Variants in APCDD1L observed in about 807,000 individuals in gnomAD.
APCDD1L encodes the protein protein APCDD1-like.
Under a neutral mutation model 24.2 loss-of-function variants are expected in APCDD1L, and 21 were observed. That is an observed-to-expected ratio of 0.87 (90% CI 0.61 to 1.25). APCDD1L has a LOEUF of 1.25. APCDD1L is among the 50% of genes most tolerant of loss of function. The pLI is 0.00. For synonymous variants in APCDD1L, 321 were observed against 323.6 expected (o/e 0.99, Z 0.09); for missense variants, 704 against 711.7 (o/e 0.99, Z 0.12).
intron 1 of APCDD1L, among the ~76,000 whole-genome samples, chr20:58,514,351 G>T (rs933038453): frequency 1.3e-5 from 2 of 152,188 alleles, no homozygotes; most frequent in South Asian, 4.1e-4. Context: ...TGGAGGCCCC[G>T]GTCCCACTGG....
chr20:58,502,056 C>G (rs1990446147), intron 1 of APCDD1L, among the ~76,000 whole-genome samples: 1 of 152,176 alleles, frequency 6.6e-6, no homozygotes, highest in South Asian at 2.1e-4. Flanking sequence ...TCCCTTTCTC[C>G]TCTCCTCTCA....
intron 1 of APCDD1L, among the ~76,000 whole-genome samples, chr20:58,507,756 C>T (rs1990549122): frequency 6.6e-6 from 1 of 152,154 alleles, no homozygotes; most frequent in Non-Finnish European, 1.5e-5. Flanking sequence ...ATACAAGAGA[C>T]AGCTAGTTTT....
At chr20:58,472,529 G>T (rs1989831123) in intron 1 of APCDD1L, among the ~76,000 whole-genome samples, 1 of 152,228 alleles carries the variant, frequency 6.6e-6, no homozygotes, top group Non-Finnish European at 1.5e-5. Context: ...GGGGTAAAAC[G>T]CAGGGCAGTC....
chr20:58,484,004 G>A (rs1990073711), intron 1 of APCDD1L, among the ~76,000 whole-genome samples: 1 of 152,144 alleles, frequency 6.6e-6, no homozygotes, highest in Non-Finnish European at 1.5e-5. Flanking sequence ...TGATAAGTAG[G>A]GTTGCAGATA....
chr20:58,511,780 G>C (rs1314668416), intron 1 of APCDD1L, among the ~76,000 whole-genome samples: 2 of 152,154 alleles, frequency 1.3e-5, no homozygotes, highest in African/African-American at 4.8e-5. Flanking sequence ...TCAAGGCAGA[G>C]CTCCACATCA....
At chr20:58,482,912 G>C (rs1461317355) in intron 1 of APCDD1L, among the ~76,000 whole-genome samples, 1 of 152,170 alleles carries the variant, frequency 6.6e-6, no homozygotes, top group Non-Finnish European at 1.5e-5. Flanking sequence ...CATTTATTGA[G>C]CACCTACTGT....
chr20:58,470,790 G>T (rs745841758), intron 1 of APCDD1L, 43 bp from the exon 2 acceptor site: 2 of 1,499,000 alleles, frequency 1.3e-6, no homozygotes, highest in South Asian at 2.6e-5. Context: ...GCATGCCCCG[G>T]GAACACCCAC....
chr20:58,502,496 G>T (rs567554806), intron 1 of APCDD1L, among the ~76,000 whole-genome samples: 39 of 152,320 alleles, frequency 2.6e-4, no homozygotes, highest in African/African-American at 9.1e-4. Flanking sequence ...GGCTCATTTT[G>T]TTCCCTGTTA....
chr20:58,469,905 C>T (rs936483071), intron 2 of APCDD1L, among the ~76,000 whole-genome samples: 8 of 152,338 alleles, frequency 5.3e-5, no homozygotes, highest in East Asian at 1.9e-4. Context: ...CCCTTTTCCC[C>T]GATCCCTGCC....
Position 58,474,469 on chromosome 20 carries a change from C to T in APCDD1L, c.50-3722G>A, listed in dbSNP as rs558520215. ...CTGTAATCCCAGCACTTTGGGAGGC[C>T]GAGGTGGGCGGATCACCTGAGGTCA... On this transcript the variant is annotated intron_variant, in intron 1 of 3. Transcript: ENST00000371149. Among the ~76,000 whole-genome samples, 720 of 152,218 alleles carry T rather than the reference C, an allele frequency of 4.7e-3. 7 individuals are homozygous for T. The highest frequency in any genetic ancestry group is 0.016 in the African/African-American group (670 of 41,544).
At chr20:58,493,948 C>G (rs1174619223) in intron 1 of APCDD1L, among the ~76,000 whole-genome samples, 1 of 152,206 alleles carries the variant, frequency 6.6e-6, no homozygotes. Context: ...AGAAGCCTAA[C>G]TGATAACATA....
At chr20:58,469,969 G>A (rs892535361) in intron 2 of APCDD1L, among the ~76,000 whole-genome samples, 1 of 152,236 alleles carries the variant, frequency 6.6e-6, no homozygotes, top group Non-Finnish European at 1.5e-5. Flanking sequence ...CAGATGAGGA[G>A]AGAATGCAAA....
At position 58,497,490 on chromosome 20, in the gene APCDD1L, G is replaced by T. The variant is rs1482105281; in HGVS notation, c.49+17169C>A. ...CTGGGCTCAAGGTGCGAGCTGGGTT[G>T]GTTCCTTCTGAGGCTGGGCCGGGAT... is the stretch of plus-strand genomic sequence containing the variant. On this transcript the variant is annotated intron_variant, in intron 1 of 3. Coordinates refer to ENST00000371149, the MANE Select transcript of APCDD1L (RefSeq NM_153360.3). This position sits in a 1 kb window ranked among gnomAD's most constrained non-coding sequence, Gnocchi z 4.3. Among the ~76,000 whole-genome samples the T allele has an allele frequency of 6.6e-6, 1 of 152,176 alleles. No homozygotes were observed. The highest frequency in any genetic ancestry group is 1.5e-5 in the Non-Finnish European group (1 of 68,024).
intron 2 of APCDD1L, among the ~76,000 whole-genome samples, chr20:58,469,432 C>G (rs1361921465): frequency 6.6e-6 from 1 of 152,102 alleles, no homozygotes; most frequent in East Asian, 1.9e-4. Context: ...GGGGCCTTTC[C>G]CACTCTTCTC....
In APCDD1L at chr20:58,461,647, A is replaced by G. The variant is rs962008892; in HGVS notation, c.742-93T>C. On this transcript the variant is annotated intron_variant, in intron 3 of 3. Transcript: ENST00000371149. The surrounding 1 kb of genome is among the most constrained non-coding windows in gnomAD (Gnocchi z 6.0). The stretch of plus-strand genomic sequence containing the variant: ...GAACCCCAGCTCTGTAGGGGTGTCA[A>G]GGCAGGGTGAGGTGCGGCCTGTCCC... 2.6e-5 allele frequency: 33 copies of G among 1,267,448 alleles called. No individual in the cohort carries two copies. Among genetic ancestry groups the G allele is most frequent in the Middle Eastern group, 2.8e-4 (1 of 3,626 alleles). The allele number at this position is 1,267,448 out of a possible 1,614,324, so 78.5% of individuals were successfully genotyped here. A position where few individuals can be genotyped will look rare whatever the true frequency, so the allele number is the denominator to read the frequency against.
At chr20:58,510,935 G>A (rs1990615211) in intron 1 of APCDD1L, among the ~76,000 whole-genome samples, 1 of 152,204 alleles carries the variant, frequency 6.6e-6, no homozygotes, top group Non-Finnish European at 1.5e-5. Flanking sequence ...AGCTGAAATG[G>A]CAACTTCCTG....
At chr20:58,477,770 T>C (rs1989938234) in intron 1 of APCDD1L, among the ~76,000 whole-genome samples, 1 of 152,174 alleles carries the variant, frequency 6.6e-6, no homozygotes, top group South Asian at 2.1e-4. Flanking sequence ...ATTCTCTAGT[T>C]CCATCACTCT....
At chr20:58,477,808 T>C (rs369155129) in intron 1 of APCDD1L, among the ~76,000 whole-genome samples, 1 of 152,184 alleles carries the variant, frequency 6.6e-6, no homozygotes, top group East Asian at 1.9e-4. Flanking sequence ...TTTTTAGAGA[T>C]GGGGTCTCAC....
intron 1 of APCDD1L, among the ~76,000 whole-genome samples, chr20:58,488,397 T>C (rs138508091): frequency 6.6e-6 from 1 of 152,184 alleles, no homozygotes; most frequent in Non-Finnish European, 1.5e-5. Context: ...TATATATTAC[T>C]GTGTCCAAAA....
Sources: gnomAD v4.1 joint callset for allele counts (sites outside exome capture counted in the v4.1 genomes callset) on GRCh38, gnomAD v4.1.1 for gene constraint, Gnocchi (gnomAD v3.1) non-coding constraint, MANE v1.5 for transcripts, NCBI Gene and HGNC (gene_info 2026-07-23, HGNC 2026-07-21) for gene names.